TPCN2: variants seen among roughly 807,000 people sequenced by gnomAD.
TPCN2 encodes the protein two pore segment channel 2.
A neutral mutation model predicts 111.4 loss-of-function variants in TPCN2; 92 were observed. The observed-to-expected ratio is 0.83, with a 90% CI of 0.70 to 0.98. The LOEUF (loss-of-function observed/expected upper bound fraction) is 0.98. Among genes scored for constraint, TPCN2 ranks in the 50% least tolerant of loss-of-function variants. The probability of loss-of-function intolerance (pLI) is 0.00; values close to 1 mark genes in which losing one functional copy is unlikely to be tolerated. For synonymous variants in TPCN2, 405 were observed against 414.5 expected, an observed-to-expected ratio of 0.98 and a Z score of 0.28; for missense variants, 995 against 980.1, an observed-to-expected ratio of 1.02 and a Z score of -0.20.
rs777734898 is a variant in TPCN2 at position 69,067,618 on chromosome 11, C to T, written c.829+13C>T. The T allele has an allele frequency of 6.2e-7, 1 of 1,612,744 alleles. No homozygotes were observed. Among genetic ancestry groups the T allele is most frequent in the South Asian group, 1.1e-5 (1 of 91,066 alleles). On this transcript the variant is annotated intron_variant, in intron 8 of 24. Transcript: ENST00000294309. ...AACAACCCCGATGGTGCGTGCAGGG[C>T]CAGGGAGGGACCGTGGGGGTCGGTG...
rs537647919 is a variant in TPCN2, at chr11:69,083,650, C to T, written c.1690-295C>T. Among the ~76,000 whole-genome samples, 8 of 152,102 alleles carry T rather than the reference C, an allele frequency of 5.3e-5. No individual in the cohort carries two copies. The East Asian group carries it at 9.7e-4, about 18-fold the overall frequency. On this transcript the variant is annotated intron_variant, in intron 18 of 24. Coordinates refer to ENST00000294309, the MANE Select transcript of TPCN2 (RefSeq NM_139075.4). Reference sequence around the variant, plus strand: ...AGGCTGGGGTGGAGGTGTTGGGATGCGGGAGTGGGTGAGTGAGTGCGTGCG... The same window carrying T: ...AGGCTGGGGTGGAGGTGTTGGGATGTGGGAGTGGGTGAGTGAGTGCGTGCG...
chr11:69,087,172 G>GC lies in TPCN2; in HGVS notation c.2148dup (p.Thr717HisfsTer21), dbSNP rs1300054669. On this transcript the variant is annotated frameshift_variant, in exon 24 of 25. Coordinates refer to ENST00000294309, the MANE Select transcript of TPCN2 (RefSeq NM_139075.4). LOFTEE classifies it high-confidence loss of function. ...GCAGCCCCTTGCTGGGACCCCAGAGGCCACCTACCAGATGACTGTGGAGCT... is the reference window on the plus strand; with the variant it reads ...GCAGCCCCTTGCTGGGACCCCAGAGGCCCACCTACCAGATGACTGTGGAGCT... 1 of 1,613,808 alleles carries GC rather than the reference G, an allele frequency of 6.2e-7. No homozygotes were observed. Among genetic ancestry groups the GC allele is most frequent in the Non-Finnish European group, 8.5e-7 (1 of 1,179,902 alleles).
Position 69,082,173 on chromosome 11 carries a change from C to T in TPCN2, c.1689+674C>T, listed in dbSNP as rs758589272. On this transcript the variant is annotated intron_variant, in intron 18 of 24. Transcript: ENST00000294309. ...AGCTCAGGGGTCCTGAGCCTTCCTA[C>T]GGGGCTGCTGTGCTGGGACCTTCAT... Among the ~76,000 whole-genome samples the T allele has an allele frequency of 5.3e-5, 8 of 152,194 alleles. No individual in the cohort carries two copies. In the South Asian group the frequency reaches 1.0e-3, roughly 20 times the overall value.
chr11:69,076,727 T>C (rs373850039), intron 13 of TPCN2, among the ~76,000 whole-genome samples: 5,485 of 7,588 alleles, frequency 0.72, 2,485 homozygotes, highest in Non-Finnish European at 0.96. Context: ...GCCCTCCTGC[T>C]GTGTCCCTCC....
intron 18 of TPCN2, among the ~76,000 whole-genome samples, chr11:69,082,377 A>G (rs72928644): frequency 0.13 from 20,522 of 152,300 alleles, 1,967 homozygotes; most frequent in South Asian, 0.21. Flanking sequence ...CACATATACA[A>G]TCATGTTTGG....
intron 19 of TPCN2, among the ~76,000 whole-genome samples, chr11:69,084,484 G>A (rs1440069729): frequency 3.3e-5 from 5 of 152,188 alleles, no homozygotes; most frequent in East Asian, 1.9e-4. Flanking sequence ...GGGACGCCCC[G>A]GCCCCTCCCT....
At chr11:69,072,071 G>A in intron 11 of TPCN2, 48 bp downstream of exon 11, 1 of 1,533,886 alleles carries the variant, frequency 6.5e-7, no homozygotes, top group Non-Finnish European at 9.0e-7. Context: ...GGGTGCTGTG[G>A]CTGCTGGGCA....
Position 69,055,213 on chromosome 11 carries a change from C to G in TPCN2, c.290C>G (p.Ala97Gly), listed in dbSNP as rs1854701225. 6.2e-7 allele frequency: 1 copy of G among 1,614,150 alleles called. No individual in the cohort carries two copies. The highest frequency in any genetic ancestry group is 1.1e-5 in the South Asian group (1 of 91,084). The change falls in exon 4 of 25, where the codon GCT (alanine) becomes GGT (glycine). Residue 97 changes from alanine (A) to glycine (G), a missense_variant. By Grantham distance (60) the Ala-to-Gly change is moderately conservative (BLOSUM62 0). Transcript: ENST00000294309. ...ACCATCTTCTTGATCCTGTTTTTGG[C>G]TTTTATCGAGACCCCATCCTCACTC... ...SFTIFLILFL[A>G]FIETPSSLTS...
At chr11:69,086,396 G>A (rs969404954) in intron 22 of TPCN2, 127 bp from the exon 23 acceptor site, 13 of 780,304 alleles carry the variant, frequency 1.7e-5, no homozygotes, top group Middle Eastern at 2.6e-4. Context: ...ATAGTAACGC[G>A]CTCTGCATCA....
At chr11:69,083,202 TGGC>T (rs1250002909) in intron 18 of TPCN2, 2 of 153,008 alleles carry the variant, frequency 1.3e-5, no homozygotes, top group African/African-American at 4.8e-5. Flanking sequence ...TTAAGGGAAA[TGGC>T]GCACAGCAGA....
intron 1 of TPCN2, among the ~76,000 whole-genome samples, chr11:69,052,993 G>C (rs1861299119): frequency 1.3e-5 from 2 of 152,370 alleles, no homozygotes; most frequent in Admixed American, 1.3e-4. Context: ...GAGCAGCTCT[G>C]CAGCGAGGCC....
At chr11:69,059,596 G>A (rs1037944917) in intron 5 of TPCN2, among the ~76,000 whole-genome samples, 12 of 152,232 alleles carry the variant, frequency 7.9e-5, no homozygotes, top group African/African-American at 2.9e-4. Flanking sequence ...TAAGGCTCTG[G>A]GACCCTTCCT....
In TPCN2 at chr11:69,085,682, C is replaced by A. The variant is rs751209518; in HGVS notation, c.1850C>A (p.Ala617Asp). The A allele has an allele frequency of 6.2e-7, 1 of 1,613,156 alleles. No individual in the cohort carries two copies. Residue 617 changes from alanine to aspartate, a missense_variant, in exon 21 of 25, where the codon GCC (alanine) becomes GAC (aspartate). By Grantham distance (126) the Ala-to-Asp change is moderately radical (BLOSUM62 -2). Transcript: ENST00000294309. ...GTTGTGTTCCCCAGCCTGGCCCCTG[C>A]CAATGGCTCGGCGCCCTGTGGGAGC... Reference protein sequence around the residue: ...ALPGNSSLAPANGSAPCGSFE... With the variant: ...ALPGNSSLAPDNGSAPCGSFE...
intron 6 of TPCN2, among the ~76,000 whole-genome samples, chr11:69,063,522 C>G (rs1274333556): frequency 1.3e-5 from 2 of 152,126 alleles, no homozygotes; most frequent in Non-Finnish European, 2.9e-5. Context: ...GCCCTCCGCT[C>G]TTGCCAGTGG....
At chr11:69,066,860 C>T (rs996333555) in intron 7 of TPCN2, among the ~76,000 whole-genome samples, 4 of 152,154 alleles carry the variant, frequency 2.6e-5, no homozygotes, top group East Asian at 1.9e-4. Flanking sequence ...GCCCCGGGCC[C>T]GGAGTCTCAA....
chr11:69,062,120 G>A (rs528193261), intron 5 of TPCN2, among the ~76,000 whole-genome samples: 7 of 152,220 alleles, frequency 4.6e-5, no homozygotes, highest in Non-Finnish European at 8.8e-5. Context: ...AAGGAGACGG[G>A]GAGCAGGTGT....
chr11:69,062,967 C>A lies in TPCN2; in HGVS notation c.630C>A (p.Arg210=). The part of the protein sequence containing the change: ...SMMKKTLKCI[R]WSLPEMASVG... ...TGAAGAAGACCTTGAAATGCATCCG[C>A]TGGTCGCTGCCGGAAATGGCCAGGT... Residue 210 remains arginine, a synonymous_variant, in exon 6 of 25, where the codon CGC becomes CGA. Transcript: ENST00000294309. The A allele has an allele frequency of 1.9e-6, 3 of 1,613,956 alleles. No individual in the cohort carries two copies. Among genetic ancestry groups the A allele is most frequent in the Non-Finnish European group, 8.5e-7 (1 of 1,179,860 alleles).
At chr11:69,074,855 T>C (rs769734765) in intron 13 of TPCN2, among the ~76,000 whole-genome samples, 5 of 152,198 alleles carry the variant, frequency 3.3e-5, no homozygotes, top group Non-Finnish European at 7.3e-5. Flanking sequence ...TTCTGGGCCA[T>C]CTGGGCTCTC....
rs756342271 is a variant in TPCN2 at position 69,062,958 on chromosome 11, A to G, written c.621A>G (p.Lys207=). 2 of 1,613,800 alleles carry G rather than the reference A, an allele frequency of 1.2e-6. No individual in the cohort carries two copies. Among genetic ancestry groups the G allele is most frequent in the African/African-American group, 2.7e-5 (2 of 74,916 alleles). The change falls in exon 6 of 25, where the codon AAA becomes AAG. Residue 207 remains lysine (K), a synonymous_variant. Coordinates refer to ENST00000294309, the MANE Select transcript of TPCN2 (RefSeq NM_139075.4). Reference sequence around the variant, plus strand: ...CCTCTATGATGAAGAAGACCTTGAAATGCATCCGCTGGTCGCTGCCGGAAA... The same window carrying G: ...CCTCTATGATGAAGAAGACCTTGAAGTGCATCCGCTGGTCGCTGCCGGAAA... ...QNSSMMKKTL[K]CIRWSLPEMA...
Sources: allele counts gnomAD v4.1 joint callset (sites outside exome capture counted in the v4.1 genomes callset), GRCh38; gene constraint gnomAD v4.1.1; transcripts MANE v1.5; gene names NCBI Gene and HGNC (gene_info 2026-07-23, HGNC 2026-07-21).